MYRIP: variants seen among roughly 807,000 people sequenced by gnomAD.
The protein encoded by MYRIP is myosin VIIA and Rab interacting protein.
A neutral mutation model predicts 98.0 loss-of-function variants in MYRIP; 49 were observed. The observed-to-expected ratio is 0.50, with a 90% CI of 0.40 to 0.63. The LOEUF (loss-of-function observed/expected upper bound fraction) is 0.63. Among genes scored for constraint, MYRIP ranks in the 30% least tolerant of loss-of-function variants. MYRIP has a pLI of 0.00. For missense variants in MYRIP, 1,004 were observed against 1,058.2 expected, an observed-to-expected ratio of 0.95 and a Z score of 0.71; for synonymous variants, 404 against 409.5, an observed-to-expected ratio of 0.99 and a Z score of 0.16.
At chr3:40,113,376 C>T (rs1949201200) in intron 3 of MYRIP, among the ~76,000 whole-genome samples, 1 of 152,180 alleles carries the variant, frequency 6.6e-6, no homozygotes. Flanking sequence ...AACTCCTCAC[C>T]TCGAGTGATC....
chr3:40,124,691 A>T lies in MYRIP; in HGVS notation c.333-26357A>T, dbSNP rs149641405. 4.7e-3 allele frequency among the ~76,000 whole-genome samples: 720 copies of T among 152,296 alleles called. 1 individual carries two copies. Among genetic ancestry groups the T allele is most frequent in the Non-Finnish European group, 6.7e-3 (453 of 68,008 alleles). ...ATGCCTGGCAGGGATATTCTGGCAG[A>T]GTTGTGGGTATGAAGGAAATGGATT... On this transcript the variant is annotated intron_variant, in intron 3 of 16. Coordinates refer to ENST00000302541, the MANE Select transcript of MYRIP (RefSeq NM_015460.4).
chr3:40,058,153 T>A (rs748016548), intron 3 of MYRIP, among the ~76,000 whole-genome samples: 2 of 152,194 alleles, frequency 1.3e-5, no homozygotes, highest in African/African-American at 2.4e-5. Flanking sequence ...ATTTCTATAA[T>A]TAATTCCCAT....
At position 40,212,239 on chromosome 3, in the gene MYRIP, C is replaced by CGT. The variant is rs1559456881; in HGVS notation, c.1905+2146_1905+2147insGT. ...ATATATATATATACACACACACACA[C>CGT]ACACACATATATATATATACACGTA... On this transcript the variant is annotated intron_variant, in intron 11 of 16. Coordinates refer to ENST00000302541, the MANE Select transcript of MYRIP (RefSeq NM_015460.4). Among the ~76,000 whole-genome samples the CGT allele has an allele frequency of 2.0e-4, 9 of 45,680 alleles. 3 individuals are homozygous for CGT. Among genetic ancestry groups the CGT allele is most frequent in the Non-Finnish European group, 3.3e-4 (5 of 15,236 alleles). The allele number at this position is 45,680 out of a possible 152,430, so 30.0% of individuals were successfully genotyped here. A position where few individuals can be genotyped will look rare whatever the true frequency, so the allele number is the denominator to read the frequency against.
intron 7 of MYRIP, among the ~76,000 whole-genome samples, chr3:40,168,511 C>T (rs564904677): frequency 2.1e-4 from 32 of 152,340 alleles, no homozygotes; most frequent in Admixed American, 1.1e-3. Context: ...TTCCCACCAT[C>T]GTAAAGTCCA....
intron 1 of MYRIP, among the ~76,000 whole-genome samples, chr3:39,873,835 T>G (rs1942888005): frequency 6.6e-6 from 1 of 152,068 alleles, no homozygotes; most frequent in African/African-American, 2.4e-5. Context: ...CTTTTTTGGT[T>G]CCATATGAAC....
intron 3 of MYRIP, among the ~76,000 whole-genome samples, chr3:40,131,081 T>C (rs1949628103): frequency 6.6e-6 from 1 of 152,184 alleles, no homozygotes; most frequent in Non-Finnish European, 1.5e-5. Flanking sequence ...ACCTAGAAGT[T>C]ATTTATGAGA....
At chr3:39,854,901 G>A in intron 1 of MYRIP, among the ~76,000 whole-genome samples, 1 of 152,142 alleles carries the variant, frequency 6.6e-6, no homozygotes, top group South Asian at 2.1e-4. Flanking sequence ...TGCAGTGATT[G>A]TTATTGCTCT....
chr3:39,977,943 T>C (rs937925507), intron 2 of MYRIP, among the ~76,000 whole-genome samples: 5 of 152,128 alleles, frequency 3.3e-5, no homozygotes, highest in Admixed American at 6.6e-5. Flanking sequence ...GCCCCTATTA[T>C]ATATGTCTGA....
intron 1 of MYRIP, 41 bp from the exon 2 acceptor site, chr3:39,900,746 T>C (rs943713325): frequency 3.3e-5 from 35 of 1,075,966 alleles, no homozygotes; most frequent in South Asian, 5.4e-5. Flanking sequence ...ATTTTGTCCA[T>C]GTAGAGATTT....
chr3:40,045,339 T>C (rs1947648221), intron 3 of MYRIP, among the ~76,000 whole-genome samples: 1 of 152,076 alleles, frequency 6.6e-6, no homozygotes, highest in African/African-American at 2.4e-5. Context: ...CAAAAAGTGG[T>C]ATGTTAAGCA....
rs144807590 is a variant in MYRIP, at chr3:40,182,317, C to T, written c.971C>T (p.Pro324Leu). Reference protein sequence around the residue: ...SRQPRDQGQHPRAESALPSWK... With the variant: ...SRQPRDQGQHLRAESALPSWK... ...CAGCCAAGGGACCAAGGCCAACACC[C>T]GAGAGCAGAGTCTGCTCTGCCCAGC... is the stretch of plus-strand genomic sequence containing the variant. Residue 324 changes from proline (P) to leucine (L), a missense_variant, in exon 9 of 17, where the codon CCG becomes CTG. By Grantham distance (98) the Pro-to-Leu change is moderately conservative. Transcript: ENST00000302541. The T allele has an allele frequency of 6.2e-3, 10,030 of 1,613,922 alleles. 51 individuals carry two copies. The highest frequency in any genetic ancestry group is 0.011 in the Middle Eastern group (69 of 6,060).
chr3:40,212,239 C>CATAT (rs1361764458), intron 11 of MYRIP, among the ~76,000 whole-genome samples: 1,666 of 45,678 alleles, frequency 0.036, 496 homozygotes, highest in Non-Finnish European at 0.08. Flanking sequence ...CACACACACA[C>CATAT]ACACACATAT....
chr3:39,900,997 G>A (rs562556397), intron 2 of MYRIP, 71 bp downstream of exon 2: 1 of 1,138,158 alleles, frequency 8.8e-7, no homozygotes, highest in African/African-American at 1.5e-5. Flanking sequence ...TTTCCTGAGG[G>A]TATTCCCTCC....
At position 39,874,145 on chromosome 3, in the gene MYRIP, G is replaced by A. The variant is rs1380729385; in HGVS notation, c.-30-26642G>A. 2.0e-5 allele frequency among the ~76,000 whole-genome samples: 3 copies of A among 152,074 alleles called. No individual in the cohort carries two copies. In the South Asian group the frequency reaches 6.2e-4, roughly 32 times the overall value. On this transcript the variant is annotated intron_variant, in intron 1 of 16. Transcript: ENST00000302541. The stretch of plus-strand genomic sequence containing the variant: ...TCATGATTTGGCTCTCTGTTTGTCT[G>A]TTGTTGGCGTATAAGAATGCTTGTG...
At chr3:40,101,040 C>T (rs1575538165) in intron 3 of MYRIP, among the ~76,000 whole-genome samples, 1 of 152,194 alleles carries the variant, frequency 6.6e-6, no homozygotes, top group South Asian at 2.1e-4. Flanking sequence ...TTACACACCA[C>T]TTTCAACTTT....
At position 40,215,373 on chromosome 3, in the gene MYRIP, T is replaced by G. The variant is rs1388647663; in HGVS notation, c.1905+5280T>G. Among the ~76,000 whole-genome samples, 4 of 152,182 alleles carry G rather than the reference T, an allele frequency of 2.6e-5. No homozygotes were observed. The East Asian group carries it at 7.7e-4, about 29-fold the overall frequency. On this transcript the variant is annotated intron_variant, in intron 11 of 16. Coordinates refer to ENST00000302541, the MANE Select transcript of MYRIP (RefSeq NM_015460.4). ...GAAAAAATTGAATTTTATTTATCAT[T>G]TCATAGAATAATTTTCATCAAAGTA... is the stretch of plus-strand genomic sequence containing the variant.
In MYRIP at chr3:40,044,037, C is replaced by A. The variant is rs755705974; in HGVS notation, c.111-13C>A. 46 of 1,612,386 alleles carry A rather than the reference C, an allele frequency of 2.9e-5. No homozygotes were observed. The highest frequency in any genetic ancestry group is 7.6e-6 in the Non-Finnish European group (9 of 1,179,068). On this transcript the variant is annotated splice_polypyrimidine_tract_variant and intron_variant, in intron 2 of 16. Coordinates refer to ENST00000302541, the MANE Select transcript of MYRIP (RefSeq NM_015460.4). ...TCTCTCCTCCTCCCATTTCCCCTAC[C>A]TTGGTTTCCCAGTGAGCTGAAGCAG... is the stretch of plus-strand genomic sequence containing the variant.
chr3:39,839,259 GT>G (rs534934868), intron 1 of MYRIP, among the ~76,000 whole-genome samples: 59 of 145,336 alleles, frequency 4.1e-4, no homozygotes, highest in East Asian at 3.6e-3. Flanking sequence ...TGCTTTTCTA[GT>G]TTTTTTTTTT....
chr3:40,131,638 C>T (rs887184822), intron 3 of MYRIP, among the ~76,000 whole-genome samples: 6 of 152,044 alleles, frequency 3.9e-5, no homozygotes, highest in Non-Finnish European at 7.4e-5. Flanking sequence ...TATAAAATAG[C>T]GTATGTTTTT....
Sources: gnomAD v4.1 joint callset for allele counts (sites outside exome capture counted in the v4.1 genomes callset) on GRCh38, gnomAD v4.1.1 for gene constraint, MANE v1.5 for transcripts, NCBI Gene and HGNC (gene_info 2026-07-23, HGNC 2026-07-21) for gene names.